TRAPPC2L: variants seen among roughly 807,000 people sequenced by gnomAD.
TRAPPC2L encodes the protein trafficking protein particle complex subunit 2L.
TRAPPC2L carries 17 observed loss-of-function variants against 13.2 expected under a neutral mutation model. The observed-to-expected ratio is 1.29, with a 90% confidence interval of 0.88 to 1.93. TRAPPC2L has a LOEUF of 1.93. TRAPPC2L is among the 30% of genes most tolerant of loss of function. The pLI is 0.00. For missense variants in TRAPPC2L, 359 were observed against 252.1 expected (o/e 1.42, Z -2.87); for synonymous variants, 150 against 98.1 (o/e 1.53, Z -3.12).
Position 88,858,788 on chromosome 16 carries a change from A to G in TRAPPC2L, c.203A>G (p.Lys68Arg), listed in dbSNP as rs144661031. ...CTGCTCTACCCCACGGAGGACTACA[A>G]GGTGTATCTTTCAGGGCAGGGTGTG... The change falls in exon 2 of 4, where the codon AAG (lysine) becomes AGG (arginine). Residue 68 changes from lysine to arginine, a missense_variant. Physicochemically the swap from Lys to Arg is conservative, Grantham distance 26. Coordinates refer to ENST00000565504, the Ensembl canonical transcript of TRAPPC2L. 197 of 1,612,742 alleles carry G rather than the reference A, an allele frequency of 1.2e-4. No homozygotes were observed. In the African/African-American group the frequency reaches 2.1e-3, roughly 17 times the overall value.
Position 88,859,784 on chromosome 16 carries a change from G to C in TRAPPC2L, c.294+34G>C, listed in dbSNP as rs371293486. 23 of 1,596,556 alleles carry C rather than the reference G, an allele frequency of 1.4e-5. No individual in the cohort carries two copies. The African/African-American group carries it at 2.8e-4, about 20-fold the overall frequency. ...GGGAGTTAGAGGGCCACGCCCGAGTGGGTGTTTTGTTTTTCCTTTTTGACT... is the reference window on the plus strand; with the variant it reads ...GGGAGTTAGAGGGCCACGCCCGAGTCGGTGTTTTGTTTTTCCTTTTTGACT... On this transcript the variant is annotated intron_variant, in intron 3 of 3. Coordinates refer to ENST00000565504, the Ensembl canonical transcript of TRAPPC2L.
intron 1 of TRAPPC2L, 63 bp downstream of exon 1, chr16:88,857,246 A>G (rs765746532): frequency 1.1e-5 from 15 of 1,401,936 alleles, no homozygotes; most frequent in Non-Finnish European, 1.4e-5. Flanking sequence ...CTTTCTTTCT[A>G]CTTCTTCCCT....
chr16:88,860,479 A>G (rs905824322), exon 4 of TRAPPC2L: 4 of 603,044 alleles, frequency 6.6e-6, no homozygotes, highest in South Asian at 6.0e-5. Context: ...CCCCAGTTCC[A>G]AGACATAATT....
At chr16:88,856,783 T>C (rs773933657), upstream of TRAPPC2L, 15 of 1,540,498 alleles carry the variant, frequency 9.7e-6, no homozygotes, top group South Asian at 9.5e-5. Flanking sequence ...GAGCAGGATG[T>C]TGGGGGGCTG....
rs112846826 is a variant in TRAPPC2L at position 88,861,177 on chromosome 16, T to C, written c.*853T>C. Reference sequence around the variant, plus strand: ...TAAGAAGAATTCAACTAAGGACTTTTCTGGGGTGTGGGCAGAGGTTTGGGA... The same window carrying C: ...TAAGAAGAATTCAACTAAGGACTTTCCTGGGGTGTGGGCAGAGGTTTGGGA... On this transcript the variant is annotated 3_prime_UTR_variant, in exon 4 of 4. Transcript: ENST00000565504. 2,433 of 581,286 alleles carry C rather than the reference T, an allele frequency of 4.2e-3. 54 individuals are homozygous for C. The highest frequency in any genetic ancestry group is 0.035 in the South Asian group (1,768 of 50,366). The allele number at this position is 581,286 out of a possible 1,614,324, so 36.0% of individuals were successfully genotyped here.
upstream of TRAPPC2L, chr16:88,856,412 A>T (rs746860494): frequency 5.7e-5 from 40 of 701,246 alleles, 1 homozygote; most frequent in Middle Eastern, 2.4e-4. Context: ...GAAAGGTCAG[A>T]CGGGGGAGGC....
rs764970261 is a variant in TRAPPC2L at position 88,857,179 on chromosome 16, A to G, written c.29A>G (p.Lys10Arg). The change falls in exon 1 of 4, where the codon AAG becomes AGG. Residue 10 changes from lysine to arginine, a missense_variant. Lys to Arg is a conservative substitution (Grantham distance 26). Transcript: ENST00000565504. The stretch of plus-strand genomic sequence containing the variant: ...GCGGTGTGCATCGCGGTGATTGCCA[A>G]GGAGGTGCGTACGCGCGGCGTGGGG... The G allele has an allele frequency of 4.3e-4, 678 of 1,578,208 alleles. No homozygotes were observed. The highest frequency in any genetic ancestry group is 5.6e-4 in the Non-Finnish European group (650 of 1,167,422).
At chr16:88,857,438 C>T (rs1968016450) in intron 1 of TRAPPC2L, 1 of 458,966 alleles carries the variant, frequency 2.2e-6, no homozygotes, top group Non-Finnish European at 3.9e-6. Flanking sequence ...CGCCAGGACC[C>T]ACCAGAAACC....
At chr16:88,857,774 C>T (rs1380170001) in intron 1 of TRAPPC2L, among the ~76,000 whole-genome samples, 3 of 152,228 alleles carry the variant, frequency 2.0e-5, no homozygotes, top group African/African-American at 7.2e-5. Flanking sequence ...CGGAACACCT[C>T]TCCCCAGCTC....
At chr16:88,856,402 G>C, upstream of TRAPPC2L, 1 of 701,690 alleles carries the variant, frequency 1.4e-6, no homozygotes, top group Non-Finnish European at 2.6e-6. Context: ...TAGAGGGCGG[G>C]AAAGGTCAGA....
At chr16:88,861,571 G>A (rs770734044) in exon 4 of TRAPPC2L, 20 of 466,826 alleles carry the variant, frequency 4.3e-5, no homozygotes, top group Admixed American at 3.8e-4. Flanking sequence ...ACCTTGGAGC[G>A]CAGACTTGAG....
Position 88,858,661 on chromosome 16 carries a change from C to T in TRAPPC2L, c.76C>T (p.Leu26=), listed in dbSNP as rs763597556. Residue 26 remains leucine, a synonymous_variant, in exon 2 of 4, where the codon CTG becomes TTG. Transcript: ENST00000565504. ...TCGCAGCACCCCTACGGAGAACGAG[C>T]TGAAGTTCCACTACATGGTGCACAC... 8 of 1,613,478 alleles carry T rather than the reference C, an allele frequency of 5.0e-6. No homozygotes were observed. The South Asian group carries it at 6.6e-5, about 13-fold the overall frequency.
In TRAPPC2L at chr16:88,860,111, G is replaced by GT. The variant is rs1445510212; in HGVS notation, c.513_514insT (p.Val172CysfsTer21). The stretch of plus-strand genomic sequence containing the variant: ...ATGAGCACCATCCCCCTAGGGCAGA[G>GT]GTTTTAAAGCCACAAAGCCCCGTTT... On this transcript the variant is annotated frameshift_variant, in exon 4 of 4. Transcript: ENST00000565504. LOFTEE classifies it low-confidence loss of function (END_TRUNC). 2 of 840,634 alleles carry GT rather than the reference G, an allele frequency of 2.4e-6. No individual in the cohort carries two copies. Among genetic ancestry groups the GT allele is most frequent in the Non-Finnish European group, 4.0e-6 (2 of 505,684 alleles). 52.1% of individuals were successfully genotyped at this position (840,634 alleles called of 1,614,324 possible).
intron 1 of TRAPPC2L, 53 bp downstream of exon 1, chr16:88,857,236 C>T: frequency 7.0e-7 from 1 of 1,435,652 alleles, no homozygotes; most frequent in Non-Finnish European, 9.3e-7. Context: ...CGGCTCTCCG[C>T]TTTCTTTCTA....
chr16:88,858,392 G>A lies in TRAPPC2L; in HGVS notation c.34-227G>A, dbSNP rs138081892. Among the ~76,000 whole-genome samples the A allele has an allele frequency of 5.7e-3, 870 of 152,084 alleles. 6 individuals carry two copies. Among genetic ancestry groups the A allele is most frequent in the African/African-American group, 0.014 (581 of 41,468 alleles). ...TTTTCTGATTCATTTTTTCTTTTCC[G>A]CCCACCCTACTGCTGCTGCTTTGCA... On this transcript the variant is annotated intron_variant, in intron 1 of 3. Transcript: ENST00000565504.
At chr16:88,859,861 G>A (rs751039999) in intron 3 of TRAPPC2L, 32 bp from the exon 4 acceptor site, 3 of 1,578,010 alleles carry the variant, frequency 1.9e-6, no homozygotes, top group Non-Finnish European at 1.7e-6. Context: ...GTGTGTATGT[G>A]GCAAGGTCAT....
At chr16:88,856,731 C>G, upstream of TRAPPC2L, 1 of 1,412,196 alleles carries the variant, frequency 7.1e-7, no homozygotes, top group Non-Finnish European at 9.5e-7. Context: ...CACCCCGGCC[C>G]TGCCCCGTCC....
chr16:88,860,997 C>G (rs775611413), exon 4 of TRAPPC2L: 2 of 1,558,884 alleles, frequency 1.3e-6, no homozygotes, highest in South Asian at 2.4e-5. Flanking sequence ...GGAGCCCGCG[C>G]ACGACTGTGG....
At chr16:88,857,740 C>G (rs577084178) in intron 1 of TRAPPC2L, among the ~76,000 whole-genome samples, 2 of 152,162 alleles carry the variant, frequency 1.3e-5, no homozygotes, top group Non-Finnish European at 2.9e-5. Context: ...ATGCTCTGCC[C>G]TCTCACCTGT....
Sources: gnomAD v4.1 joint callset for allele counts (sites outside exome capture counted in the v4.1 genomes callset) on GRCh38, gnomAD v4.1.1 for gene constraint, MANE v1.5 for transcripts, NCBI Gene and HGNC (gene_info 2026-07-23, HGNC 2026-07-21) for gene names.